HAVCR1: variants seen among roughly 807,000 people sequenced by gnomAD.
HAVCR1 encodes the protein hepatitis A virus cellular receptor 1.
In HAVCR1, 34 loss-of-function variants were observed where a neutral mutation model predicts 32.0. The ratio of observed to expected loss-of-function variants is 1.06; its 90% confidence interval spans 0.81 to 1.42. The LOEUF (loss-of-function observed/expected upper bound fraction) is 1.42. HAVCR1 is among the 40% of genes most tolerant of loss of function. The pLI is 0.00. For synonymous variants in HAVCR1, 178 were observed against 170.3 expected (o/e 1.05, Z -0.35); for missense variants, 420 against 442.3 (o/e 0.95, Z 0.45).
In HAVCR1 at chr5:157,044,421, GAGA is replaced by G. The variant is rs1484337504; in HGVS notation, c.782-1742_782-1740del. On this transcript the variant is annotated intron_variant, in intron 5 of 8. Transcript: ENST00000523175. ...GGAAGGAAGGAAGGAAGGAAGGAAG[GAGA>G]AAGAAAGAAAGAAAGAAAGAAAGAA... Among the ~76,000 whole-genome samples the G allele has an allele frequency of 9.9e-3, 333 of 33,724 alleles. 7 individuals are homozygous for G. Among genetic ancestry groups the G allele is most frequent in the African/African-American group, 0.015 (79 of 5,206 alleles). 22.1% of individuals were successfully genotyped at this position (33,724 alleles called of 152,430 possible). A position where few individuals can be genotyped will look rare whatever the true frequency, so the allele number is the denominator to read the frequency against.
chr5:157,061,789 G>GT (rs1303237477), upstream of HAVCR1, among the ~76,000 whole-genome samples: 12 of 152,114 alleles, frequency 7.9e-5, no homozygotes, highest in African/African-American at 2.7e-4. Flanking sequence ...ATGACGGAAT[G>GT]TGGGGGGTGG....
the HAVCR1 span, among the ~76,000 whole-genome samples, chr5:157,064,526 G>A: frequency 1.3e-5 from 2 of 152,016 alleles, no homozygotes; most frequent in Admixed American, 1.3e-4. Context: ...CAAGGATTTC[G>A]GCCTGAGCCA....
the HAVCR1 span, among the ~76,000 whole-genome samples, chr5:157,067,208 C>T: frequency 1.3e-5 from 2 of 152,202 alleles, no homozygotes; most frequent in African/African-American, 2.4e-5. Context: ...GAAGAGGACT[C>T]ACATCAGCAG....
chr5:157,036,454 G>A (rs958495643), intron 7 of HAVCR1, among the ~76,000 whole-genome samples: 2 of 152,222 alleles, frequency 1.3e-5, no homozygotes, highest in African/African-American at 2.4e-5. Flanking sequence ...ACTCCAGCCT[G>A]TGAGACAAGA....
chr5:157,029,939 G>A, intron 8 of HAVCR1, 98 bp from the exon 9 acceptor site: 1 of 942,554 alleles, frequency 1.1e-6, no homozygotes, highest in Non-Finnish European at 1.6e-6. Flanking sequence ...GGCAATATCA[G>A]GTATTCGAGA....
chr5:157,066,055 T>TAAAAAAAAAAA, the HAVCR1 span, among the ~76,000 whole-genome samples: 11 of 66,912 alleles, frequency 1.6e-4, no homozygotes, highest in East Asian at 8.3e-4. Flanking sequence ...GACTCCGTCT[T>TAAAAAAAAAAA]AAAAAAAAAA....
intron 7 of HAVCR1, among the ~76,000 whole-genome samples, chr5:157,033,663 T>G (rs1265993350): frequency 1.3e-5 from 2 of 152,098 alleles, no homozygotes; most frequent in Non-Finnish European, 2.9e-5. Context: ...CCAGAGGAAT[T>G]TGTCCTGCCC....
At chr5:157,046,843 G>T (rs561354165) in intron 5 of HAVCR1, among the ~76,000 whole-genome samples, 4 of 152,154 alleles carry the variant, frequency 2.6e-5, no homozygotes, top group Non-Finnish European at 5.9e-5. Context: ...TTTTATAAGA[G>T]CATTGATTCC....
At chr5:157,062,717 T>C (rs889027442), upstream of HAVCR1, among the ~76,000 whole-genome samples, 6 of 152,212 alleles carry the variant, frequency 3.9e-5, no homozygotes, top group Non-Finnish European at 8.8e-5. Context: ...GCTAGTTATT[T>C]TCCTTCACTT....
chr5:157,052,334 T>C (rs771536353), intron 4 of HAVCR1, 27 bp downstream of exon 4: 4 of 1,608,396 alleles, frequency 2.5e-6, no homozygotes, highest in Non-Finnish European at 3.4e-6. Flanking sequence ...TAGAAGGCCT[T>C]TGGGCTTCCA....
At chr5:157,036,744 C>T (rs1165081020) in intron 7 of HAVCR1, among the ~76,000 whole-genome samples, 1 of 151,906 alleles carries the variant, frequency 6.6e-6, no homozygotes, top group Non-Finnish European at 1.5e-5. Context: ...ACTATGTTGC[C>T]CAGGCTGGTT....
intron 6 of HAVCR1, among the ~76,000 whole-genome samples, chr5:157,040,299 A>C (rs56182597): frequency 0.37 from 36,052 of 97,290 alleles, 4,674 homozygotes; most frequent in Middle Eastern, 0.5. Context: ...ACTCTGTCTC[A>C]AAAAAAAAAA....
At chr5:157,038,350 G>C (rs1021459673) in intron 6 of HAVCR1, among the ~76,000 whole-genome samples, 4 of 152,234 alleles carry the variant, frequency 2.6e-5, no homozygotes, top group South Asian at 4.1e-4. Flanking sequence ...ATCCTAAAGA[G>C]AGCCCACCGG....
Position 157,052,556 on chromosome 5 carries a change from T to C in HAVCR1, c.478A>G (p.Thr160Ala), listed in dbSNP as rs1406167890. The C allele has an allele frequency of 8.6e-6, 2 of 232,278 alleles. No individual in the cohort carries two copies. The highest frequency in any genetic ancestry group is 9.3e-5 in the African/African-American group (2 of 21,410). The allele number at this position is 232,278 out of a possible 1,614,324, so 14.4% of individuals were successfully genotyped here. ...VPTTTTVPMTTVPTTTVPTTM... is the reference protein window; with the variant it reads ...VPTTTTVPMTAVPTTTVPTTM... ...GTTGGAACAGTTGTCGTTGGAACAG[T>C]CGTCATTGGAACAGTCGTTGTCGTT... The change falls in exon 4 of 9, where the codon ACT becomes GCT. Residue 160 changes from threonine to alanine, a missense_variant. By Grantham distance (58) the Thr-to-Ala change is moderately conservative. Coordinates refer to ENST00000523175, the MANE Select transcript of HAVCR1 (RefSeq NM_001173393.3).
At chr5:157,043,886 T>C (rs1247833802) in intron 5 of HAVCR1, among the ~76,000 whole-genome samples, 2 of 152,194 alleles carry the variant, frequency 1.3e-5, no homozygotes, top group African/African-American at 2.4e-5. Flanking sequence ...ACACAACACA[T>C]TGCACTTCTA....
chr5:157,045,711 T>G (rs913931348), intron 5 of HAVCR1, among the ~76,000 whole-genome samples: 1 of 152,186 alleles, frequency 6.6e-6, no homozygotes, highest in African/African-American at 2.4e-5. Context: ...ATATGACAGC[T>G]CCAATCCTTT....
At chr5:157,063,129 AAAAGAAAG>A (rs200549872), upstream of HAVCR1, among the ~76,000 whole-genome samples, 345 of 144,576 alleles carry the variant, frequency 2.4e-3, 3 homozygotes, top group Middle Eastern at 6.9e-3. Flanking sequence ...CTCAAAAAAA[AAAAGAAAG>A]AAAGAAAGAA....
chr5:157,055,239 T>C lies in HAVCR1; in HGVS notation c.341A>G (p.Asn114Ser), dbSNP rs377678930. 4 of 1,591,808 alleles carry C rather than the reference T, an allele frequency of 2.5e-6. No individual in the cohort carries two copies. The highest frequency in any genetic ancestry group is 3.4e-6 in the Non-Finnish European group (4 of 1,163,734). ...CCRVEHRGWFNDMKITVSLEI... is the reference protein window; with the variant it reads ...CCRVEHRGWFSDMKITVSLEI... ...CAATGATACGGTGATTTTCATGTCA[T>C]TGAACCACCCACGGTGCTCAACACG... Residue 114 changes from asparagine to serine, a missense_variant, in exon 3 of 9, where the codon AAT becomes AGT. Physicochemically the swap from Asn to Ser is conservative, Grantham distance 46. Coordinates refer to ENST00000523175, the MANE Select transcript of HAVCR1 (RefSeq NM_001173393.3).
rs144483361 is a variant in HAVCR1, at chr5:157,045,186, C to T, written c.782-2504G>A. Reference sequence around the variant, plus strand: ...ATAATAGAAAAATTATAGAAATAAACTGTAATAAAAGCTATGGGAATTTAG... The same window carrying T: ...ATAATAGAAAAATTATAGAAATAAATTGTAATAAAAGCTATGGGAATTTAG... On this transcript the variant is annotated intron_variant, in intron 5 of 8. Transcript: ENST00000523175. Among the ~76,000 whole-genome samples, 23 of 151,760 alleles carry T rather than the reference C, an allele frequency of 1.5e-4. No individual in the cohort carries two copies. The East Asian group carries it at 2.3e-3, about 15-fold the overall frequency.
Sources: gnomAD v4.1 joint callset for allele counts (sites outside exome capture counted in the v4.1 genomes callset) on GRCh38, gnomAD v4.1.1 for gene constraint, MANE v1.5 for transcripts, NCBI Gene and HGNC (gene_info 2026-07-23, HGNC 2026-07-21) for gene names.